Variants in EXTL3 observed in about 807,000 individuals in gnomAD.
The protein encoded by EXTL3 is exostosin like glycosyltransferase 3.
In EXTL3, 27 loss-of-function variants were observed where a neutral mutation model predicts 69.3. The ratio of observed to expected loss-of-function variants is 0.39; its 90% CI spans 0.29 to 0.54. EXTL3 has a LOEUF of 0.54. Ranked by LOEUF, EXTL3 falls within the 20% of genes least tolerant of loss-of-function variation. The pLI, the probability that EXTL3 is intolerant of heterozygous loss-of-function variation, is 0.69. For synonymous variants in EXTL3, 511 were observed against 499.4 expected (o/e 1.02, Z -0.31); for missense variants, 1,003 against 1,231.8 (o/e 0.81, Z 2.78).
chr8:28,655,850 A>G (rs141797133), intron 1 of EXTL3, among the ~76,000 whole-genome samples: 165 of 152,232 alleles, frequency 1.1e-3, no homozygotes, highest in African/African-American at 3.8e-3. Context: ...ACATTTCTCA[A>G]TCTGCTATTT....
At chr8:28,657,098 C>A (rs1202589129) in intron 1 of EXTL3, among the ~76,000 whole-genome samples, 1 of 151,986 alleles carries the variant, frequency 6.6e-6, no homozygotes, top group Non-Finnish European at 1.5e-5. Flanking sequence ...CCACCACACC[C>A]AGCTAATTTT....
intron 1 of EXTL3, among the ~76,000 whole-genome samples, chr8:28,634,489 C>A (rs141623581): frequency 4.6e-5 from 7 of 152,092 alleles, no homozygotes; most frequent in Non-Finnish European, 1.0e-4. Flanking sequence ...CCCAACCTGG[C>A]GGAATCCTCA....
At chr8:28,660,235 A>G (rs1202565214) in intron 1 of EXTL3, among the ~76,000 whole-genome samples, 1 of 152,092 alleles carries the variant, frequency 6.6e-6, no homozygotes. Flanking sequence ...GTAGTGGTGT[A>G]CACCTGTAGT....
intron 5 of EXTL3, among the ~76,000 whole-genome samples, chr8:28,739,388 G>A (rs1198103377): frequency 2.0e-5 from 3 of 152,026 alleles, no homozygotes; most frequent in African/African-American, 7.2e-5. Context: ...GTGTAATGGT[G>A]GGGTCTCAGC....
At chr8:28,728,595 G>A (rs899574498) in intron 3 of EXTL3, among the ~76,000 whole-genome samples, 3 of 152,158 alleles carry the variant, frequency 2.0e-5, no homozygotes, top group African/African-American at 7.2e-5. Flanking sequence ...CTTAAAGAAA[G>A]CTCTGGCCAA....
At chr8:28,732,866 G>A (rs894448950) in intron 4 of EXTL3, among the ~76,000 whole-genome samples, 2 of 152,140 alleles carry the variant, frequency 1.3e-5, no homozygotes, top group African/African-American at 4.8e-5. Flanking sequence ...TGGGATTACA[G>A]GTATGGACCA....
rs545519624 is a variant in EXTL3 at position 28,755,317 on chromosome 8, A to T, written c.*4451A>T. 6.6e-6 allele frequency: 1 copy of T among 152,446 alleles called. No individual in the cohort carries two copies. Among genetic ancestry groups the T allele is most frequent in the African/African-American group, 2.4e-5 (1 of 41,432 alleles). The allele number at this position is 152,446 out of a possible 1,614,324, so 9.4% of individuals were successfully genotyped here. On this transcript the variant is annotated 3_prime_UTR_variant, in exon 7 of 7. Transcript: ENST00000220562. ...TGCTGGCCACTGCTCTGCCTCCCACACCGGACTGCAGCCTCTCAAGAACAC... is the reference window on the plus strand; with the variant it reads ...TGCTGGCCACTGCTCTGCCTCCCACTCCGGACTGCAGCCTCTCAAGAACAC...
chr8:28,625,720 C>T (rs998660409), intron 1 of EXTL3, among the ~76,000 whole-genome samples: 3 of 151,988 alleles, frequency 2.0e-5, no homozygotes, highest in Non-Finnish European at 4.4e-5. Context: ...GATAATTATG[C>T]AGTTGGTATG....
intron 1 of EXTL3, among the ~76,000 whole-genome samples, 157 bp from the exon 2 acceptor site, chr8:28,713,300 T>C (rs1563213327): frequency 6.6e-6 from 1 of 152,204 alleles, no homozygotes; most frequent in African/African-American, 2.4e-5. Flanking sequence ...AGAGTCTCTG[T>C]TTGGACAGTA....
intron 3 of EXTL3, among the ~76,000 whole-genome samples, chr8:28,728,214 C>G (rs1472072277): frequency 6.6e-6 from 1 of 152,208 alleles, no homozygotes; most frequent in African/African-American, 2.4e-5. Flanking sequence ...TGAGATGTGT[C>G]TTACAATGGA....
intron 3 of EXTL3, 135 bp from the exon 4 acceptor site, chr8:28,731,088 A>C (rs1237520839): frequency 3.0e-6 from 3 of 986,312 alleles, no homozygotes; most frequent in Non-Finnish European, 4.8e-6. Context: ...GGCATATGCT[A>C]GATTTTACAA....
intron 1 of EXTL3, among the ~76,000 whole-genome samples, chr8:28,665,504 T>C (rs1156339124): frequency 6.7e-6 from 1 of 149,820 alleles, no homozygotes; most frequent in Non-Finnish European, 1.5e-5. Flanking sequence ...CTCAATCTCC[T>C]GGGCTCAAGT....
rs1268080822 is a variant in EXTL3 at position 28,705,199 on chromosome 8, A to G, written c.-570+3540A>G. Among the ~76,000 whole-genome samples the G allele has an allele frequency of 2.0e-5, 3 of 152,216 alleles. No individual in the cohort carries two copies. The East Asian group carries it at 5.8e-4, about 29-fold the overall frequency. ...ACATGTTTTTGTGCTTCCTGGGAGCAAGGCAATTGTCAGTGAGGGCCTAGA... is the reference window on the plus strand; with the variant it reads ...ACATGTTTTTGTGCTTCCTGGGAGCGAGGCAATTGTCAGTGAGGGCCTAGA... On this transcript the variant is annotated intron_variant, in intron 1 of 6. Coordinates refer to ENST00000220562, the MANE Select transcript of EXTL3 (RefSeq NM_001440.4).
At position 28,716,532 on chromosome 8, in the gene EXTL3, G is replaced by A. The variant is rs573052861; in HGVS notation, c.473G>A (p.Arg158Gln). 2.6e-4 allele frequency: 417 copies of A among 1,614,026 alleles called. 4 individuals are homozygous for A. In the South Asian group the frequency reaches 3.8e-3, roughly 15 times the overall value. The change falls in exon 3 of 7, where the codon CGA becomes CAA. Residue 158 changes from arginine to glutamine, a missense_variant. Arg to Gln is a conservative substitution (Grantham distance 43, BLOSUM62 1). This residue lies in a region of EXTL3 where 742 missense variants were observed against 815.4 expected (regional missense o/e 0.91). Transcript: ENST00000220562. The surrounding 1 kb of genome is among the most constrained non-coding windows in gnomAD (Gnocchi z 7.1). ...QNQPKLSLPI[R>Q]LLPEKDDAGL... ...CAGCCCAAGCTGTCCCTGCCCATCCGACTGCTCCCAGAGAAGGACGATGCC... is the reference window on the plus strand; with the variant it reads ...CAGCCCAAGCTGTCCCTGCCCATCCAACTGCTCCCAGAGAAGGACGATGCC...
chr8:28,677,390 T>C (rs769016112), intron 1 of EXTL3, among the ~76,000 whole-genome samples: 1 of 152,082 alleles, frequency 6.6e-6, no homozygotes, highest in Non-Finnish European at 1.5e-5. Context: ...TCTGCCAAAA[T>C]ACTCCCAGGG....
intron 1 of EXTL3, among the ~76,000 whole-genome samples, chr8:28,641,183 A>G (rs769104924): frequency 7.9e-5 from 12 of 152,300 alleles, no homozygotes; most frequent in Non-Finnish European, 1.6e-4. Context: ...TCACCTCAGA[A>G]GGATAATGAC....
chr8:28,742,925 G>A (rs1456370313), intron 5 of EXTL3, 161 bp from the exon 6 acceptor site: 6 of 755,634 alleles, frequency 7.9e-6, no homozygotes, highest in East Asian at 2.5e-5. Flanking sequence ...AGATCCACAC[G>A]ACAGGATGTC....
intron 4 of EXTL3, among the ~76,000 whole-genome samples, chr8:28,736,104 C>T (rs1801647353): frequency 2.0e-5 from 3 of 152,028 alleles, no homozygotes; most frequent in South Asian, 2.1e-4. Context: ...TGTGAATGTC[C>T]GTAATGCCAC....
chr8:28,690,775 A>T (rs2130676798), intron 1 of EXTL3, among the ~76,000 whole-genome samples: 1 of 152,346 alleles, frequency 6.6e-6, no homozygotes, highest in Non-Finnish European at 1.5e-5. Context: ...GAAAGCAACC[A>T]AGATGGAAGC....
Sources: gnomAD v4.1 joint callset for allele counts (sites outside exome capture counted in the v4.1 genomes callset) on GRCh38, gnomAD v4.1.1 for gene constraint, gnomAD v4.1.1 regional missense constraint, Gnocchi (gnomAD v3.1) non-coding constraint, MANE v1.5 for transcripts, NCBI Gene and HGNC (gene_info 2026-07-23, HGNC 2026-07-21) for gene names.